Variants in RANBP17 observed in about 807,000 individuals in gnomAD.
The protein encoded by RANBP17 is RAN binding protein 17, also known as ran-binding protein 17.
In RANBP17, 158 loss-of-function variants were observed where a neutral mutation model predicts 141.2. That is an observed-to-expected ratio of 1.12 (90% CI 0.98 to 1.28). The LOEUF is 1.28. Among genes scored for constraint, RANBP17 ranks in the 50% most tolerant of loss-of-function variants. The probability of loss-of-function intolerance (pLI) is 0.00; values close to 1 mark genes in which losing one functional copy is unlikely to be tolerated. For synonymous variants in RANBP17, 430 were observed against 450.0 expected, an observed-to-expected ratio of 0.96 and a Z score of 0.56; for missense variants, 1,438 against 1,290.7, an observed-to-expected ratio of 1.11 and a Z score of -1.75.
chr5:171,151,852 A>G (rs573509516), intron 14 of RANBP17, among the ~76,000 whole-genome samples: 7 of 152,106 alleles, frequency 4.6e-5, no homozygotes, highest in African/African-American at 7.2e-5. Context: ...CAGTAATACA[A>G]CTAAACCAGA....
At chr5:171,106,629 G>T (rs943681024) in intron 14 of RANBP17, among the ~76,000 whole-genome samples, 4 of 152,084 alleles carry the variant, frequency 2.6e-5, no homozygotes, top group African/African-American at 7.2e-5. Flanking sequence ...ATCCATTTGG[G>T]CATCGATTTG....
chr5:171,118,348 C>CT (rs1375881557), intron 14 of RANBP17, among the ~76,000 whole-genome samples: 1 of 152,032 alleles, frequency 6.6e-6, no homozygotes, highest in African/African-American at 2.4e-5. Flanking sequence ...CAGCTTTATT[C>CT]TTTTTACTCG....
intron 22 of RANBP17, among the ~76,000 whole-genome samples, chr5:171,227,752 C>T (rs1306885547): frequency 6.6e-6 from 1 of 152,158 alleles, no homozygotes; most frequent in South Asian, 2.1e-4. Context: ...TTAATGCTGA[C>T]GGTGACTTGA....
chr5:171,026,136 A>G (rs981113474), intron 14 of RANBP17, among the ~76,000 whole-genome samples: 1 of 152,168 alleles, frequency 6.6e-6, no homozygotes, highest in African/African-American at 2.4e-5. Flanking sequence ...TCTCTTTGGG[A>G]GGCTTTTAAA....
rs1245339173 is a variant in RANBP17, at chr5:171,089,299, G to A, written c.1711-80831G>A. On this transcript the variant is annotated intron_variant, in intron 14 of 27. Transcript: ENST00000523189. Reference sequence around the variant, plus strand: ...GGTCACGGGTCAGGGACCCACTTGAGGAGGCAGTCTGCCCGTTCTCAGATC... The same window carrying A: ...GGTCACGGGTCAGGGACCCACTTGAAGAGGCAGTCTGCCCGTTCTCAGATC... Among the ~76,000 whole-genome samples, 51 of 105,718 alleles carry A rather than the reference G, an allele frequency of 4.8e-4. 1 individual carries two copies. Among genetic ancestry groups the A allele is most frequent in the African/African-American group, 9.9e-4 (33 of 33,386 alleles). The allele number at this position is 105,718 out of a possible 152,430, so 69.4% of individuals were successfully genotyped here.
intron 1 of RANBP17, among the ~76,000 whole-genome samples, chr5:170,873,962 C>T (rs1767959700): frequency 6.6e-6 from 1 of 152,258 alleles, no homozygotes; most frequent in South Asian, 2.1e-4. Context: ...ATCTTTCTAA[C>T]TTTCTGAAGT....
At chr5:171,217,603 G>T (rs2127977235) in intron 21 of RANBP17, among the ~76,000 whole-genome samples, 1 of 152,156 alleles carries the variant, frequency 6.6e-6, no homozygotes, top group East Asian at 1.9e-4. Flanking sequence ...GTCTTTTCAG[G>T]GATTTGACTT....
At chr5:171,034,307 T>A (rs1472995096) in intron 14 of RANBP17, among the ~76,000 whole-genome samples, 1 of 152,122 alleles carries the variant, frequency 6.6e-6, no homozygotes, top group African/African-American at 2.4e-5. Flanking sequence ...ACAAGCCACT[T>A]ACACATTACT....
intron 14 of RANBP17, among the ~76,000 whole-genome samples, chr5:171,132,379 T>G (rs527781985): frequency 6.8e-6 from 1 of 146,872 alleles, no homozygotes; most frequent in Non-Finnish European, 1.5e-5. Context: ...CTTTAGTTGT[T>G]TTTTTTTTTT....
At chr5:170,965,720 G>A (rs1041281141) in intron 13 of RANBP17, among the ~76,000 whole-genome samples, 5 of 151,970 alleles carry the variant, frequency 3.3e-5, no homozygotes, top group South Asian at 2.1e-4. Context: ...GATATGCAGC[G>A]TTATTTCTGA....
chr5:171,156,731 A>G (rs1175039881), intron 14 of RANBP17, among the ~76,000 whole-genome samples: 1 of 152,206 alleles, frequency 6.6e-6, no homozygotes, highest in African/African-American at 2.4e-5. Flanking sequence ...AATAAATAAA[A>G]GAAAGTGAAC....
At chr5:171,289,026 C>T (rs1768329822) in intron 25 of RANBP17, among the ~76,000 whole-genome samples, 1 of 152,172 alleles carries the variant, frequency 6.6e-6, no homozygotes, top group African/African-American at 2.4e-5. Context: ...CTGTACAGTG[C>T]CCTTTCAACT....
At chr5:171,121,099 G>A (rs1420411098) in intron 14 of RANBP17, among the ~76,000 whole-genome samples, 3 of 152,230 alleles carry the variant, frequency 2.0e-5, no homozygotes, top group African/African-American at 4.8e-5. Flanking sequence ...TCACAAGGCT[G>A]TTTCTTATGT....
At chr5:171,259,374 T>G (rs1018767875) in intron 24 of RANBP17, among the ~76,000 whole-genome samples, 1 of 152,078 alleles carries the variant, frequency 6.6e-6, no homozygotes. Context: ...TGGGAGTATA[T>G]CCAAAAGAAA....
intron 14 of RANBP17, among the ~76,000 whole-genome samples, chr5:171,003,504 T>C (rs1327501626): frequency 2.6e-5 from 4 of 152,222 alleles, no homozygotes; most frequent in Admixed American, 2.6e-4. Flanking sequence ...GGAGAGCACG[T>C]GTGTTTTTAT....
intron 14 of RANBP17, among the ~76,000 whole-genome samples, chr5:171,128,238 T>C (rs934651091): frequency 2.0e-5 from 3 of 152,152 alleles, no homozygotes; most frequent in Non-Finnish European, 2.9e-5. Flanking sequence ...AGCCAAGATA[T>C]GGAATCAACC....
At chr5:171,009,548 TA>T (rs986771265) in intron 14 of RANBP17, among the ~76,000 whole-genome samples, 3 of 152,178 alleles carry the variant, frequency 2.0e-5, no homozygotes, top group Non-Finnish European at 2.9e-5. Flanking sequence ...ATCCCCTGAA[TA>T]AAAGGGTAAA....
chr5:171,005,777 CA>C (rs1442501709), intron 14 of RANBP17, among the ~76,000 whole-genome samples: 1 of 152,032 alleles, frequency 6.6e-6, no homozygotes, highest in Non-Finnish European at 1.5e-5. Context: ...TTCTGCACAG[CA>C]AAAGAAACTA....
At chr5:171,200,512 T>TAA (rs1762238634) in intron 19 of RANBP17, among the ~76,000 whole-genome samples, 1 of 152,206 alleles carries the variant, frequency 6.6e-6, no homozygotes, top group Admixed American at 6.5e-5. Flanking sequence ...TCTGAAATTA[T>TAA]AATGTATCAG....
Sources: gnomAD v4.1 joint callset for allele counts (sites outside exome capture counted in the v4.1 genomes callset) on GRCh38, gnomAD v4.1.1 for gene constraint, MANE v1.5 for transcripts, NCBI Gene and HGNC (gene_info 2026-07-23, HGNC 2026-07-21) for gene names.